Variants in KIF18B observed in about 807,000 individuals in gnomAD.
KIF18B encodes the protein kinesin-like protein KIF18B.
In KIF18B, 49 loss-of-function variants were observed where a neutral mutation model predicts 80.9. The observed-to-expected ratio is 0.61, with a 90% CI of 0.48 to 0.77. KIF18B has a LOEUF of 0.77. Ranked by LOEUF, KIF18B falls within the 30% of genes least tolerant of loss-of-function variation. The pLI, the probability that KIF18B is intolerant of heterozygous loss-of-function variation, is 0.00. For missense variants in KIF18B, 994 were observed against 1,127.7 expected (o/e 0.88, Z 1.70); for synonymous variants, 439 against 463.9 (o/e 0.95, Z 0.69).
Position 44,934,332 on chromosome 17 carries a change from G to A in KIF18B, c.786C>T (p.Ser262=). ...GCCGCTCCCCCTTCGCATGGGTGCT[G>A]GATGCCCGCTCTGAGCCAGCCAGGT... ...LIDLAGSERA[S]STHAKGERLR... The change falls in exon 6 of 16, where the codon TCC becomes TCT. Residue 262 remains serine (S), a synonymous_variant. Coordinates refer to ENST00000593135, the MANE Select transcript of KIF18B (RefSeq NM_001265577.2). This position sits in a 1 kb window ranked among gnomAD's most constrained non-coding sequence, Gnocchi z 5.4. 6.2e-7 allele frequency: 1 copy of A among 1,609,052 alleles called. No homozygotes were observed. The highest frequency in any genetic ancestry group is 8.5e-7 in the Non-Finnish European group (1 of 1,177,760).
Position 44,936,201 on chromosome 17 carries a change from C to A in KIF18B, c.144G>T (p.Gly48=). 2 of 1,612,006 alleles carry A rather than the reference C, an allele frequency of 1.2e-6. No homozygotes were observed. The highest frequency in any genetic ancestry group is 4.5e-5 in the East Asian group (2 of 44,848). Residue 48 remains glycine (G), a synonymous_variant, in exon 2 of 16, where the codon GGG becomes GGT. Coordinates refer to ENST00000593135, the MANE Select transcript of KIF18B (RefSeq NM_001265577.2). The part of the protein sequence containing the change: ...LVFNPEEPDG[G]FPGLKWGGTH... Reference sequence around the variant, plus strand: ...TGCCACCCCATTTCAGGCCAGGGAACCCTCCATCGGGCTCCTCAGGGTTAA... The same window carrying A: ...TGCCACCCCATTTCAGGCCAGGGAAACCTCCATCGGGCTCCTCAGGGTTAA...
At position 44,936,306 on chromosome 17, in the gene KIF18B, C is replaced by G. The variant is rs1399158653; in HGVS notation, c.39G>C (p.Arg13=). 1 of 1,609,732 alleles carries G rather than the reference C, an allele frequency of 6.2e-7. No individual in the cohort carries two copies. The highest frequency in any genetic ancestry group is 1.3e-5 in the African/African-American group (1 of 74,790). Residue 13 remains arginine (R), a synonymous_variant, in exon 2 of 16, where the codon CGG becomes CGC. Transcript: ENST00000593135. ...GCTCCCGAGGGGTGGGGGGCCGCAC[C>G]CGTACCACTACTTGCAGCGTGCTGT... ...VEDSTLQVVV[R]VRPPTPRELD...
In KIF18B at chr17:44,928,586, G is replaced by A; in HGVS notation, c.1724-8C>T. On this transcript the variant is annotated splice_polypyrimidine_tract_variant and splice_region_variant and intron_variant, in intron 12 of 15. Transcript: ENST00000593135. ...GAGGAGACGGCACAGGGACTGCACA[G>A]AAGGAAGGAGAGTTTGTAGAACTTG... 4 of 1,446,906 alleles carry A rather than the reference G, an allele frequency of 2.8e-6. No homozygotes were observed. The highest frequency in any genetic ancestry group is 3.6e-6 in the Non-Finnish European group (4 of 1,106,982). The allele number at this position is 1,446,906 out of a possible 1,614,324, so 89.6% of individuals were successfully genotyped here.
chr17:44,947,141 A>AAAAT (rs2052527149), intron 1 of KIF18B, among the ~76,000 whole-genome samples: 3 of 142,882 alleles, frequency 2.1e-5, no homozygotes, highest in African/African-American at 8.2e-5. Flanking sequence ...AAAAAAAAAA[A>AAAAT]ATTTTACTGC....
intron 11 of KIF18B, 105 bp from the exon 12 acceptor site, chr17:44,929,129 C>T: frequency 2.0e-6 from 2 of 996,970 alleles, no homozygotes; most frequent in Non-Finnish European, 3.0e-6. Context: ...GTTGAGGAGT[C>T]TGAACTGGTC....
Position 44,931,737 on chromosome 17 carries a change from G to A in KIF18B, c.1390-8C>T. 1 of 1,613,704 alleles carries A rather than the reference G, an allele frequency of 6.2e-7. No homozygotes were observed. The highest frequency in any genetic ancestry group is 8.5e-7 in the Non-Finnish European group (1 of 1,179,776). ...TGGCATCTGGGTTGGAACCTAAAGA[G>A]GAAGGAAAAGGCACAGGTAGAGGGG... On this transcript the variant is annotated splice_region_variant and splice_polypyrimidine_tract_variant and intron_variant, in intron 10 of 15. Transcript: ENST00000593135.
intron 1 of KIF18B, among the ~76,000 whole-genome samples, chr17:44,939,875 C>T (rs1240547293): frequency 2.6e-5 from 4 of 152,090 alleles, no homozygotes; most frequent in Non-Finnish European, 4.4e-5. Flanking sequence ...TGCAGTGGCA[C>T]GATCTTGGCT....
At chr17:44,930,010 G>T (rs1194563307) in intron 11 of KIF18B, among the ~76,000 whole-genome samples, 1 of 152,152 alleles carries the variant, frequency 6.6e-6, no homozygotes, top group African/African-American at 2.4e-5. Flanking sequence ...TTATCCTCAG[G>T]TAGTTCTACT....
intron 1 of KIF18B, among the ~76,000 whole-genome samples, chr17:44,943,992 T>C (rs370740075): frequency 3.3e-5 from 5 of 152,216 alleles, no homozygotes; most frequent in African/African-American, 1.2e-4. Context: ...GCTGGGATTG[T>C]AGGAGTGAGC....
rs776985363 is a variant in KIF18B, at chr17:44,934,314, C to T, written c.804G>A (p.Gly268=). Residue 268 remains glycine (G), a synonymous_variant, in exon 6 of 16, where the codon GGG becomes GGA. Transcript: ENST00000593135. The surrounding 1 kb of genome is among the most constrained non-coding windows in gnomAD (Gnocchi z 5.4). ...TGTTGGCCCCCTCCCGCAGCCGCTC[C>T]CCCTTCGCATGGGTGCTGGATGCCC... ...SERASSTHAK[G]ERLREGANIN... The T allele has an allele frequency of 6.2e-7, 1 of 1,610,878 alleles. No homozygotes were observed. Among genetic ancestry groups the T allele is most frequent in the South Asian group, 1.1e-5 (1 of 90,334 alleles).
chr17:44,945,983 G>A (rs575250134), intron 1 of KIF18B, among the ~76,000 whole-genome samples: 41 of 150,228 alleles, frequency 2.7e-4, no homozygotes, highest in Middle Eastern at 7.0e-3. Context: ...GCTTTGGGAA[G>A]CTGAGGTAGG....
chr17:44,938,707 C>T (rs1294196962), intron 1 of KIF18B, among the ~76,000 whole-genome samples: 1 of 152,164 alleles, frequency 6.6e-6, no homozygotes, highest in Non-Finnish European at 1.5e-5. Flanking sequence ...TCTTCCTCCA[C>T]CAATTTGAAA....
intron 2 of KIF18B, among the ~76,000 whole-genome samples, 172 bp from the exon 3 acceptor site, chr17:44,935,588 C>G (rs1025675005): frequency 1.3e-5 from 2 of 152,188 alleles, no homozygotes; most frequent in African/African-American, 2.4e-5. Context: ...TGTGTTTGTT[C>G]TGTTCCCCCA....
At chr17:44,932,345 G>C (rs2052175350) in intron 9 of KIF18B, 139 bp from the exon 10 acceptor site, 1 of 946,066 alleles carries the variant, frequency 1.1e-6, no homozygotes, top group African/African-American at 1.6e-5. Context: ...AGTCCATAAG[G>C]GACAGATGCT....
chr17:44,933,248 G>A (rs2052198308), intron 7 of KIF18B, among the ~76,000 whole-genome samples: 1 of 152,070 alleles, frequency 6.6e-6, no homozygotes, highest in South Asian at 2.1e-4. Flanking sequence ...GCTCCCTGGG[G>A]GGAGGGAGGA....
chr17:44,930,175 G>C (rs1474396563), intron 11 of KIF18B, among the ~76,000 whole-genome samples: 1 of 152,134 alleles, frequency 6.6e-6, no homozygotes, highest in East Asian at 1.9e-4. Flanking sequence ...ATATCTGCAC[G>C]GGCCACACAT....
chr17:44,938,192 T>G (rs942341230), intron 1 of KIF18B, among the ~76,000 whole-genome samples: 5 of 152,168 alleles, frequency 3.3e-5, no homozygotes, highest in African/African-American at 4.8e-5. Context: ...ATTTTTGTGT[T>G]TTTAGTAGAG....
At position 44,925,989 on chromosome 17, in the gene KIF18B, C is replaced by T. The variant is rs2052016530; in HGVS notation, c.*91G>A. Reference sequence around the variant, plus strand: ...TCCCAGGTAAGGAAGGCAGGTCCAGCTCCTGGTGCAGGTGGCTACAGGTCC... The same window carrying T: ...TCCCAGGTAAGGAAGGCAGGTCCAGTTCCTGGTGCAGGTGGCTACAGGTCC... On this transcript the variant is annotated 3_prime_UTR_variant, in exon 16 of 16. Transcript: ENST00000593135. 1 of 1,391,248 alleles carries T rather than the reference C, an allele frequency of 7.2e-7. No individual in the cohort carries two copies. Among genetic ancestry groups the T allele is most frequent in the African/African-American group, 1.4e-5 (1 of 69,934 alleles). 86.2% of individuals were successfully genotyped at this position (1,391,248 alleles called of 1,614,324 possible). A position where few individuals can be genotyped will look rare whatever the true frequency, so the allele number is the denominator to read the frequency against.
At position 44,928,166 on chromosome 17, in the gene KIF18B, C is replaced by T. The variant is rs200703182; in HGVS notation, c.2136G>A (p.Pro712=). 3.9e-5 allele frequency: 63 copies of T among 1,608,932 alleles called. No homozygotes were observed. Among genetic ancestry groups the T allele is most frequent in the South Asian group, 8.8e-5 (8 of 90,516 alleles). The change falls in exon 13 of 16, where the codon CCG becomes CCA. Residue 712 remains proline (P), a synonymous_variant. Transcript: ENST00000593135. ...TGAGGTCTCGAGTGGGCAGAGCCAG[C>T]GGGGTGGAGCAGTTCTGCATGGCGG... is the stretch of plus-strand genomic sequence containing the variant. ...GPSAMQNCST[P]LALPTRDLNA... is the part of the protein sequence containing the mutation.
Sources: allele counts gnomAD v4.1 joint callset (sites outside exome capture counted in the v4.1 genomes callset), GRCh38; gene constraint gnomAD v4.1.1; non-coding constraint Gnocchi (gnomAD v3.1); transcripts MANE v1.5; gene names NCBI Gene and HGNC (gene_info 2026-07-23, HGNC 2026-07-21).